SKOR1: variants seen among roughly 807,000 people sequenced by gnomAD.
SKOR1 encodes LBX1 corepressor 1.
SKOR1 carries 38 observed loss-of-function variants against 72.4 expected under a neutral mutation model. That is an observed-to-expected ratio of 0.52 (90% CI 0.40 to 0.69). The LOEUF (loss-of-function observed/expected upper bound fraction) is 0.69, where lower values mean the gene tolerates loss of function less well. Ranked by LOEUF, SKOR1 falls within the 30% of genes least tolerant of loss-of-function variation. SKOR1 has a pLI of 0.00. For synonymous variants in SKOR1, 642 were observed against 599.4 expected, an observed-to-expected ratio of 1.07 and a Z score of -1.04; for missense variants, 1,320 against 1,343.2, an observed-to-expected ratio of 0.98 and a Z score of 0.27.
intron 5 of SKOR1, 82 bp downstream of exon 5, chr15:67,830,971 G>T (rs572375915): frequency 7.1e-7 from 1 of 1,411,420 alleles, no homozygotes; most frequent in East Asian, 2.3e-5. Flanking sequence ...ATCCCTGTAG[G>T]GGGTGAGTGT....
In SKOR1 at chr15:67,833,907, C is replaced by T. The variant is rs1201916410; in HGVS notation, c.*71C>T. 1 of 1,506,658 alleles carries T rather than the reference C, an allele frequency of 6.6e-7. No homozygotes were observed. Among genetic ancestry groups the T allele is most frequent in the Non-Finnish European group, 9.1e-7 (1 of 1,095,796 alleles). The allele number at this position is 1,506,658 out of a possible 1,614,324, so 93.3% of individuals were successfully genotyped here. ...TGTAAATACCCGCTGCTGCGGTGGC[C>T]CTGAGCGAGGAACAAGCCATTCGGA... On this transcript the variant is annotated 3_prime_UTR_variant, in exon 9 of 9. Transcript: ENST00000380035. This position sits in a 1 kb window ranked among gnomAD's most constrained non-coding sequence, Gnocchi z 6.0.
In SKOR1 at chr15:67,825,697, G is replaced by A. The variant is rs578062978; in HGVS notation, c.95G>A (p.Arg32Gln). The part of the protein sequence containing the change: ...SENGIGFLAA[R>Q]AFLRSGGMEA... ...AACGGGATTGGGTTCCTTGCAGCCCGGGCATTCCTGAGGTCTCCTTTACCC... is the reference window on the plus strand; with the variant it reads ...AACGGGATTGGGTTCCTTGCAGCCCAGGCATTCCTGAGGTCTCCTTTACCC... The change falls in exon 1 of 9, where the codon CGG (arginine) becomes CAG (glutamine). Residue 32 changes from arginine to glutamine, a missense_variant. Arg to Gln is a conservative substitution (Grantham distance 43). Transcript: ENST00000380035. The surrounding 1 kb of genome is among the most constrained non-coding windows in gnomAD (Gnocchi z 5.6). 105 of 748,548 alleles carry A rather than the reference G, an allele frequency of 1.4e-4. No homozygotes were observed. In the Admixed American group the frequency reaches 2.0e-3, roughly 14 times the overall value. 46.4% of individuals were successfully genotyped at this position (748,548 alleles called of 1,614,324 possible).
chr15:67,832,314 C>A lies in SKOR1; in HGVS notation c.2628C>A (p.Arg876=), dbSNP rs2091014383. 2 of 1,614,036 alleles carry A rather than the reference C, an allele frequency of 1.2e-6. No homozygotes were observed. The highest frequency in any genetic ancestry group is 8.5e-7 in the Non-Finnish European group (1 of 1,180,038). Reference sequence around the variant, plus strand: ...TGCTCCTGGAACAAATGGAGCTCCGCAAGAAGCTGGAACGGGAATTTCAGA... The same window carrying A: ...TGCTCCTGGAACAAATGGAGCTCCGAAAGAAGCTGGAACGGGAATTTCAGA... The part of the protein sequence containing the change: ...QKLLLEQMEL[R]KKLEREFQSL... Residue 876 remains arginine (R), a synonymous_variant, in exon 6 of 9, where the codon CGC becomes CGA. Transcript: ENST00000380035. This position sits in a 1 kb window ranked among gnomAD's most constrained non-coding sequence, Gnocchi z 4.5.
rs761062683 is a variant in SKOR1 at position 67,827,432 on chromosome 15, C to T, written c.1604C>T (p.Pro535Leu). 1 of 1,525,180 alleles carries T rather than the reference C, an allele frequency of 6.6e-7. No individual in the cohort carries two copies. Among genetic ancestry groups the T allele is most frequent in the Non-Finnish European group, 8.7e-7 (1 of 1,142,980 alleles). 94.5% of individuals were successfully genotyped at this position (1,525,180 alleles called of 1,614,324 possible). Residue 535 changes from proline (P) to leucine (L), a missense_variant, in exon 2 of 9, where the codon CCC (proline) becomes CTC (leucine). Transcript: ENST00000380035. ...GCTGCTGGCAGCGGTGCCCCAGAGC[C>T]CCTGGACGGTGCCGAGCCAGCCAAA... is the stretch of plus-strand genomic sequence containing the variant. ...AAAAGSGAPE[P>L]LDGAEPAKES...
At position 67,833,836 on chromosome 15, in the gene SKOR1, G is replaced by T; in HGVS notation, c.2898G>T (p.Ter966TyrextTer25). ...CCTTCAAGCCACCGCTGTTGCCCTA[G>T]GGCCGGCCTGGCCGCACCCCTGCGC... Reference protein sequence around the residue: ...NCSFKPPLLP* With the variant: ...NCSFKPPLLPY The change falls in exon 9 of 9, where the codon TAG (stop) becomes TAT (tyrosine). Residue 966 changes from the stop codon to tyrosine, a stop_lost. Transcript: ENST00000380035. The surrounding 1 kb of genome is among the most constrained non-coding windows in gnomAD (Gnocchi z 6.0). 1 of 1,608,646 alleles carries T rather than the reference G, an allele frequency of 6.2e-7. No individual in the cohort carries two copies.
chr15:67,827,440 G>C lies in SKOR1; in HGVS notation c.1612G>C (p.Gly538Arg). ...AGSGAPEPLD[G>R]AEPAKESGLG... is the part of the protein sequence containing the mutation. ...CAGCGGTGCCCCAGAGCCCCTGGAC[G>C]GTGCCGAGCCAGCCAAAGAGAGTGG... The change falls in exon 2 of 9, where the codon GGT becomes CGT. Residue 538 changes from glycine (G) to arginine (R), a missense_variant. Around this residue, in one of 3 missense-constraint regions of SKOR1, gnomAD observed 1,099 missense variants for 1,025.5 expected, o/e 1.07. Coordinates refer to ENST00000380035, the MANE Select transcript of SKOR1 (RefSeq NM_001365915.1). The C allele has an allele frequency of 2.0e-6, 3 of 1,522,346 alleles. No individual in the cohort carries two copies. The highest frequency in any genetic ancestry group is 2.6e-6 in the Non-Finnish European group (3 of 1,141,894). 94.3% of individuals were successfully genotyped at this position (1,522,346 alleles called of 1,614,324 possible). A position where few individuals can be genotyped will look rare whatever the true frequency, so the allele number is the denominator to read the frequency against.
Position 67,827,482 on chromosome 15 carries a change from C to T in SKOR1, c.1654C>T (p.Arg552Cys), listed in dbSNP as rs762082299. ...AGAGAGTGGCCTCGGCGCGGAGGAG[C>T]GCTGCCCGAGCGCTCTGTCCCGCGG... is the stretch of plus-strand genomic sequence containing the variant. Reference protein sequence around the residue: ...AKESGLGAEERCPSALSRGPL... With the variant: ...AKESGLGAEECCPSALSRGPL... The change falls in exon 2 of 9, where the codon CGC (arginine) becomes TGC (cysteine). Residue 552 changes from arginine (R) to cysteine (C), a missense_variant. Physicochemically the swap from Arg to Cys is radical, Grantham distance 180. Transcript: ENST00000380035. 1 of 1,521,716 alleles carries T rather than the reference C, an allele frequency of 6.6e-7. No homozygotes were observed. The highest frequency in any genetic ancestry group is 1.2e-5 in the South Asian group (1 of 82,796). The allele number at this position is 1,521,716 out of a possible 1,614,324, so 94.3% of individuals were successfully genotyped here.
intron 3 of SKOR1, 127 bp from the exon 4 acceptor site, chr15:67,830,064 C>T (rs1328063079): frequency 4.3e-6 from 4 of 931,614 alleles, no homozygotes; most frequent in Admixed American, 2.1e-5. Context: ...CCTGGGCGCA[C>T]AGCCGGGAAC....
chr15:67,827,518 G>A lies in SKOR1; in HGVS notation c.1690G>A (p.Glu564Lys), dbSNP rs1007947525. The A allele has an allele frequency of 5.9e-6, 9 of 1,522,908 alleles. No homozygotes were observed. Among genetic ancestry groups the A allele is most frequent in the Non-Finnish European group, 7.0e-6 (8 of 1,142,314 alleles). 94.3% of individuals were successfully genotyped at this position (1,522,908 alleles called of 1,614,324 possible). A position where few individuals can be genotyped will look rare whatever the true frequency, so the allele number is the denominator to read the frequency against. ...PSALSRGPLD[E>K]DGTDEALPPP... is the part of the protein sequence containing the mutation. ...CGCTCTGTCCCGCGGGCCCCTGGAC[G>A]AAGACGGCACGGACGAGGCGCTGCC... The change falls in exon 2 of 9, where the codon GAA becomes AAA. Residue 564 changes from glutamate to lysine, a missense_variant. Coordinates refer to ENST00000380035, the MANE Select transcript of SKOR1 (RefSeq NM_001365915.1).
Position 67,830,187 on chromosome 15 carries a change from C to T in SKOR1, c.2408-4C>T. ...CTCTTGAAATTCGGTTTGTTGCCTTCAAGAGCCAGATAAGGAAGACAATCA... is the reference window on the plus strand; with the variant it reads ...CTCTTGAAATTCGGTTTGTTGCCTTTAAGAGCCAGATAAGGAAGACAATCA... On this transcript the variant is annotated splice_region_variant and splice_polypyrimidine_tract_variant and intron_variant, in intron 3 of 8. Transcript: ENST00000380035. 1 of 1,614,020 alleles carries T rather than the reference C, an allele frequency of 6.2e-7. No individual in the cohort carries two copies. Among genetic ancestry groups the T allele is most frequent in the Non-Finnish European group, 8.5e-7 (1 of 1,179,944 alleles).
At chr15:67,829,090 T>A (rs28539889) in intron 2 of SKOR1, 89 bp from the exon 3 acceptor site, 281,794 of 1,253,490 alleles carry the variant, frequency 0.22, 37,815 homozygotes, top group East Asian at 0.61. Flanking sequence ...CTCCGTCGGC[T>A]TTCCCTCTTG....
At chr15:67,830,140 C>G (rs1249290371) in intron 3 of SKOR1, 51 bp from the exon 4 acceptor site, 1 of 1,588,862 alleles carries the variant, frequency 6.3e-7, no homozygotes, top group Non-Finnish European at 8.6e-7. Context: ...CCGGCAGTAT[C>G]CGGGTCACGG....
intron 3 of SKOR1, among the ~76,000 whole-genome samples, chr15:67,829,982 G>A (rs1416610864): frequency 1.3e-5 from 2 of 152,150 alleles, no homozygotes; most frequent in Non-Finnish European, 2.9e-5. Flanking sequence ...TGGGGCGGGG[G>A]CCTGAAGCCC....
intron 3 of SKOR1, among the ~76,000 whole-genome samples, chr15:67,829,764 C>T (rs1326057775): frequency 6.6e-6 from 1 of 152,354 alleles, no homozygotes; most frequent in Admixed American, 6.5e-5. Flanking sequence ...TTGGGGGCAG[C>T]GGAAAATCGG....
At chr15:67,828,828 GA>G (rs2090986046) in intron 2 of SKOR1, among the ~76,000 whole-genome samples, 1 of 152,200 alleles carries the variant, frequency 6.6e-6, no homozygotes, top group Non-Finnish European at 1.5e-5. Context: ...ATTAAAACAC[GA>G]ATCATTAACC....
intron 5 of SKOR1, 143 bp downstream of exon 5, chr15:67,831,032 G>C (rs1362328070): frequency 2.5e-6 from 2 of 800,744 alleles, no homozygotes; most frequent in Non-Finnish European, 4.2e-6. Flanking sequence ...CTTTCTTTGG[G>C]TGGAAAGTAA....
Position 67,827,374 on chromosome 15 carries a change from G to A in SKOR1, c.1546G>A (p.Ala516Thr). 6.4e-7 allele frequency: 1 copy of A among 1,564,996 alleles called. No homozygotes were observed. The highest frequency in any genetic ancestry group is 8.6e-7 in the Non-Finnish European group (1 of 1,165,100). ...AQSQAKAVAA[A>T]VAAAAAAAAA... The stretch of plus-strand genomic sequence containing the variant: ...GAGCCAAGCCAAGGCCGTGGCGGCA[G>A]CCGTGGCGGCGGCAGCGGCGGCGGC... The change falls in exon 2 of 9, where the codon GCC becomes ACC. Residue 516 changes from alanine (A) to threonine (T), a missense_variant. Physicochemically the swap from Ala to Thr is moderately conservative, Grantham distance 58 (BLOSUM62 0). Transcript: ENST00000380035.
rs931059770 is a variant in SKOR1, at chr15:67,834,059, G to T, written c.*223G>T. ...GGTTTCCAAGTGTAAATACCGCCTC[G>T]CGCCTCAAATCCCCCTACCCCGTGT... On this transcript the variant is annotated 3_prime_UTR_variant, in exon 9 of 9. Coordinates refer to ENST00000380035, the MANE Select transcript of SKOR1 (RefSeq NM_001365915.1). The surrounding 1 kb of genome is among the most constrained non-coding windows in gnomAD (Gnocchi z 5.8). 1.7e-6 allele frequency: 1 copy of T among 596,424 alleles called. No individual in the cohort carries two copies. 36.9% of individuals were successfully genotyped at this position (596,424 alleles called of 1,614,324 possible).
At position 67,826,211 on chromosome 15, in the gene SKOR1, T is replaced by C; in HGVS notation, c.383T>C (p.Val128Ala). The change falls in exon 2 of 9, where the codon GTG (valine) becomes GCG (alanine). Residue 128 changes from valine to alanine, a missense_variant. By Grantham distance (64) the Val-to-Ala change is moderately conservative. Around this residue, in one of 3 missense-constraint regions of SKOR1, gnomAD observed 101 missense variants for 212.8 expected, o/e 0.47. Coordinates refer to ENST00000380035, the MANE Select transcript of SKOR1 (RefSeq NM_001365915.1). ...CGCGTGGCCCTGGGCATCACGTGCG[T>C]GCAGTGCACGCCGGTACAGCTGGAG... ...NRRVALGITC[V>A]QCTPVQLEIL... 1 of 1,613,338 alleles carries C rather than the reference T, an allele frequency of 6.2e-7. No homozygotes were observed. Among genetic ancestry groups the C allele is most frequent in the Non-Finnish European group, 8.5e-7 (1 of 1,179,990 alleles).
Sources: allele counts gnomAD v4.1 joint callset (sites outside exome capture counted in the v4.1 genomes callset), GRCh38; gene constraint gnomAD v4.1.1; regional missense constraint gnomAD v4.1.1; non-coding constraint Gnocchi (gnomAD v3.1); transcripts MANE v1.5; gene names NCBI Gene and HGNC (gene_info 2026-07-23, HGNC 2026-07-21).